EYS: variants seen among roughly 807,000 people sequenced by gnomAD.
EYS encodes protein eyes shut homolog.
Under a neutral mutation model 282.1 loss-of-function variants are expected in EYS, and 250 were observed. The observed-to-expected ratio is 0.89, with a 90% CI of 0.80 to 0.98. The LOEUF (loss-of-function observed/expected upper bound fraction) is 0.98, where lower values mean the gene tolerates loss of function less well. EYS is among the 50% of genes least tolerant of loss of function. The pLI is 0.00. For synonymous variants in EYS, 1,355 were observed against 1,282.9 expected (o/e 1.06, Z -1.20); for missense variants, 4,016 against 3,709.0 (o/e 1.08, Z -2.15).
At chr6:64,635,677 C>T (rs1221564196) in intron 22 of EYS, among the ~76,000 whole-genome samples, 1 of 152,192 alleles carries the variant, frequency 6.6e-6, no homozygotes, top group Admixed American at 6.5e-5. Flanking sequence ...ATGAAGCCCA[C>T]TTGATCATGG....
intron 22 of EYS, among the ~76,000 whole-genome samples, chr6:64,707,581 A>G (rs187925651): frequency 3.8e-4 from 57 of 151,140 alleles, no homozygotes; most frequent in African/African-American, 9.9e-4. Context: ...AGGCAGGAGA[A>G]TGGCGTGAAC....
chr6:64,063,734 T>C (rs1771263086), intron 33 of EYS, among the ~76,000 whole-genome samples: 1 of 151,730 alleles, frequency 6.6e-6, no homozygotes, highest in South Asian at 2.1e-4. Flanking sequence ...TTTTGTTTTA[T>C]TGATAGATTG....
chr6:64,352,545 CA>C (rs1771679276), intron 29 of EYS, among the ~76,000 whole-genome samples: 1 of 151,514 alleles, frequency 6.6e-6, no homozygotes, highest in East Asian at 2.0e-4. Context: ...ATGTTTTTAT[CA>C]CAAATGTATG....
chr6:63,977,725 G>A (rs967943659), intron 35 of EYS, among the ~76,000 whole-genome samples: 1 of 152,010 alleles, frequency 6.6e-6, no homozygotes, highest in Non-Finnish European at 1.5e-5. Context: ...CCAGGACCGA[G>A]TTTGTGTGTC....
chr6:64,805,517 A>G (rs1764396584), intron 22 of EYS, among the ~76,000 whole-genome samples: 1 of 151,856 alleles, frequency 6.6e-6, no homozygotes, highest in South Asian at 2.1e-4. Context: ...AAGGCAAACT[A>G]TAATAAATTC....
At chr6:64,793,229 T>C (rs529704287) in intron 22 of EYS, among the ~76,000 whole-genome samples, 1 of 152,296 alleles carries the variant, frequency 6.6e-6, no homozygotes, top group South Asian at 2.1e-4. Context: ...TATTTATTGG[T>C]GTAAATCAAT....
At position 64,527,862 on chromosome 6, in the gene EYS, G is replaced by A. The variant is rs990236865; in HGVS notation, c.5644+62361C>T. Among the ~76,000 whole-genome samples, 7 of 151,550 alleles carry A rather than the reference G, an allele frequency of 4.6e-5. 1 individual carries two copies. Among genetic ancestry groups the A allele is most frequent in the Non-Finnish European group, 1.0e-4 (7 of 67,712 alleles). On this transcript the variant is annotated intron_variant, in intron 26 of 42. Coordinates refer to ENST00000503581, the MANE Select transcript of EYS (RefSeq NM_001142800.2). ...GAAAATTTTAAATGTAAAGACAAGG[G>A]AAAAAGAGAAATCACAGGAGAGTAC...
intron 12 of EYS, among the ~76,000 whole-genome samples, chr6:65,293,269 A>T (rs1768576236): frequency 6.6e-6 from 1 of 151,638 alleles, no homozygotes; most frequent in South Asian, 2.1e-4. Context: ...AACTAAAAAA[A>T]AAAAATCAAT....
At chr6:65,650,738 A>G (rs1377370963) in intron 1 of EYS, among the ~76,000 whole-genome samples, 1 of 152,212 alleles carries the variant, frequency 6.6e-6, no homozygotes, top group Non-Finnish European at 1.5e-5. Context: ...CTGAGGGTAC[A>G]CAGAGAGCAA....
chr6:64,676,340 A>C (rs183736950), intron 22 of EYS, among the ~76,000 whole-genome samples: 2 of 144,968 alleles, frequency 1.4e-5, no homozygotes, highest in East Asian at 4.0e-4. Flanking sequence ...CTATATATCT[A>C]TATATATATA....
intron 36 of EYS, among the ~76,000 whole-genome samples, chr6:63,850,417 G>T (rs983594971): frequency 2.6e-5 from 4 of 152,032 alleles, no homozygotes; most frequent in Non-Finnish European, 5.9e-5. Context: ...AAATGTTAAG[G>T]GCAGTCAGAG....
intron 12 of EYS, among the ~76,000 whole-genome samples, chr6:65,164,410 A>C (rs567406379): frequency 6.8e-6 from 1 of 146,780 alleles, no homozygotes; most frequent in Non-Finnish European, 1.5e-5. Context: ...CTTTTACTGC[A>C]TTTGTTATTT....
intron 12 of EYS, among the ~76,000 whole-genome samples, chr6:65,204,709 T>A (rs1765984789): frequency 6.6e-6 from 1 of 151,562 alleles, no homozygotes; most frequent in African/African-American, 2.4e-5. Flanking sequence ...ACATTCCAGT[T>A]AAATACCCTT....
intron 29 of EYS, among the ~76,000 whole-genome samples, chr6:64,359,887 C>G (rs1433182895): frequency 6.6e-6 from 1 of 151,576 alleles, no homozygotes; most frequent in Non-Finnish European, 1.5e-5. Context: ...CACATTCAGT[C>G]CATAATCATC....
chr6:65,346,764 T>C (rs1319828413), intron 9 of EYS, among the ~76,000 whole-genome samples: 1 of 151,826 alleles, frequency 6.6e-6, no homozygotes, highest in African/African-American at 2.4e-5. Context: ...GAACATACTA[T>C]GTAAACGTTT....
intron 32 of EYS, among the ~76,000 whole-genome samples, chr6:64,080,395 T>C (rs1771923110): frequency 6.6e-6 from 1 of 152,194 alleles, no homozygotes; most frequent in African/African-American, 2.4e-5. Context: ...CACCCACTTG[T>C]TGATGGGGTT....
At chr6:65,281,194 ATTAAG>A (rs142042430) in intron 12 of EYS, among the ~76,000 whole-genome samples, 3,004 of 151,964 alleles carry the variant, frequency 0.02, 110 homozygotes, top group African/African-American at 0.069. Context: ...AAGCAACATT[ATTAAG>A]TTAACAATCA....
intron 18 of EYS, among the ~76,000 whole-genome samples, chr6:64,895,388 T>C (rs1767427490): frequency 6.6e-6 from 1 of 152,210 alleles, no homozygotes; most frequent in South Asian, 2.1e-4. Context: ...CCTAAATAAA[T>C]AGATATCAAT....
chr6:63,760,646 G>A (rs867988218), intron 41 of EYS, among the ~76,000 whole-genome samples: 2 of 128,078 alleles, frequency 1.6e-5, no homozygotes, highest in Non-Finnish European at 3.3e-5. Context: ...ATGTATGTAT[G>A]TATATCTATC....
Sources: allele counts gnomAD v4.1 joint callset (sites outside exome capture counted in the v4.1 genomes callset), GRCh38; gene constraint gnomAD v4.1.1; transcripts MANE v1.5; gene names NCBI Gene and HGNC (gene_info 2026-07-23, HGNC 2026-07-21).